Variants in ADAM23 observed in about 807,000 individuals in gnomAD.
The protein encoded by ADAM23 is ADAM metallopeptidase domain 23, also known as disintegrin and metalloproteinase domain-containing protein 23.
A neutral mutation model predicts 120.1 loss-of-function variants in ADAM23; 33 were observed. That is an observed-to-expected ratio of 0.27 (90% CI 0.21 to 0.37). The LOEUF (loss-of-function observed/expected upper bound fraction) is 0.37, where lower values mean the gene tolerates loss of function less well. Among genes scored for constraint, ADAM23 ranks in the 10% least tolerant of loss-of-function variants. ADAM23 has a pLI of 1.00. For synonymous variants in ADAM23, 367 were observed against 375.2 expected (o/e 0.98, Z 0.25); for missense variants, 862 against 1,058.2 (o/e 0.81, Z 2.57).
At chr2:206,602,658 AAAAT>A (rs576813392) in intron 24 of ADAM23, among the ~76,000 whole-genome samples, 1 of 152,308 alleles carries the variant, frequency 6.6e-6, no homozygotes, top group African/African-American at 2.4e-5. Context: ...AAACTCTCTA[AAAAT>A]AAGGAAAAAA....
At chr2:206,590,336 G>T (rs1035994527) in intron 21 of ADAM23, among the ~76,000 whole-genome samples, 4 of 152,178 alleles carry the variant, frequency 2.6e-5, no homozygotes, top group Non-Finnish European at 5.9e-5. Flanking sequence ...GGCCTCAAGT[G>T]ATCCGCCCTC....
At chr2:206,475,436 C>G (rs1695756772) in intron 2 of ADAM23, among the ~76,000 whole-genome samples, 1 of 152,046 alleles carries the variant, frequency 6.6e-6, no homozygotes, top group Non-Finnish European at 1.5e-5. Context: ...TAGGTCCAAA[C>G]TAGTCCTCTT....
At chr2:206,487,369 T>C (rs1332879244) in intron 3 of ADAM23, among the ~76,000 whole-genome samples, 4 of 152,122 alleles carry the variant, frequency 2.6e-5, no homozygotes, top group Non-Finnish European at 5.9e-5. Context: ...TAATCTTTTC[T>C]CTCTTCAAAG....
chr2:206,608,851 A>C (rs539638977), intron 24 of ADAM23, among the ~76,000 whole-genome samples: 3 of 152,210 alleles, frequency 2.0e-5, no homozygotes, highest in Non-Finnish European at 4.4e-5. Flanking sequence ...CACAGAAATG[A>C]ATGTTTACAC....
intron 9 of ADAM23, among the ~76,000 whole-genome samples, chr2:206,551,059 G>A (rs987153760): frequency 6.6e-6 from 1 of 152,118 alleles, no homozygotes; most frequent in Non-Finnish European, 1.5e-5. Flanking sequence ...TAGAAACTCC[G>A]TTAACTATAC....
At position 206,571,766 on chromosome 2, in the gene ADAM23, A is replaced by G. The variant is rs777870020; in HGVS notation, c.1606A>G (p.Asn536Asp). The G allele has an allele frequency of 3.1e-6, 5 of 1,614,096 alleles. No individual in the cohort carries two copies. Among genetic ancestry groups the G allele is most frequent in the Non-Finnish European group, 4.2e-6 (5 of 1,179,974 alleles). ...ATGCTGTAAGAAATGTTCCCTCTCC[A>G]ACGGGGCTCACTGCAGCGACGGGCC... ...GLCCKKCSLSNGAHCSDGPCC... is the reference protein window; with the variant it reads ...GLCCKKCSLSDGAHCSDGPCC... Residue 536 changes from asparagine (N) to aspartate (D), a missense_variant, in exon 17 of 26, where the codon AAC becomes GAC. Asn to Asp is a conservative substitution (Grantham distance 23, BLOSUM62 1). Around this residue, in one of 4 missense-constraint regions of ADAM23, gnomAD observed 617 missense variants for 813.5 expected, o/e 0.76. Transcript: ENST00000264377.
At chr2:206,448,695 A>G (rs1477964171) in intron 2 of ADAM23, among the ~76,000 whole-genome samples, 2 of 152,330 alleles carry the variant, frequency 1.3e-5, no homozygotes, top group South Asian at 2.1e-4. Flanking sequence ...TATGTAAGGA[A>G]GCATCCATAA....
intron 2 of ADAM23, among the ~76,000 whole-genome samples, chr2:206,449,038 A>G (rs567048143): frequency 6.6e-6 from 1 of 152,264 alleles, no homozygotes; most frequent in South Asian, 2.1e-4. Context: ...TAGGCCTTCA[A>G]CCAGTGGATC....
chr2:206,565,715 G>A (rs1697863230), intron 14 of ADAM23, among the ~76,000 whole-genome samples: 2 of 152,120 alleles, frequency 1.3e-5, no homozygotes. Context: ...GACCCCCTAA[G>A]CCATAACCCA....
At chr2:206,556,455 A>G (rs1697644070) in intron 9 of ADAM23, among the ~76,000 whole-genome samples, 1 of 152,190 alleles carries the variant, frequency 6.6e-6, no homozygotes, top group South Asian at 2.1e-4. Context: ...AATTGAAGGT[A>G]AATTTCAAAG....
At chr2:206,596,557 C>G (rs1698530088) in intron 24 of ADAM23, among the ~76,000 whole-genome samples, 1 of 152,146 alleles carries the variant, frequency 6.6e-6, no homozygotes, top group South Asian at 2.1e-4. Flanking sequence ...TGGAATCTCT[C>G]CGGAAGGAAG....
intron 22 of ADAM23, 52 bp downstream of exon 22, chr2:206,592,788 C>A: frequency 6.5e-7 from 1 of 1,540,946 alleles, no homozygotes; most frequent in African/African-American, 1.4e-5. Context: ...TTACAAATTT[C>A]ACAAAATGAA....
rs188227181 is a variant in ADAM23 at position 206,485,497 on chromosome 2, A to C, written c.509+4189A>C. On this transcript the variant is annotated intron_variant, in intron 3 of 25. Transcript: ENST00000264377. ...CCATAAGTTAATCCAGGTGGTGACCATAGAATCTTCAGAGTTGGTGACCTC... is the reference window on the plus strand; with the variant it reads ...CCATAAGTTAATCCAGGTGGTGACCCTAGAATCTTCAGAGTTGGTGACCTC... 2.0e-3 allele frequency among the ~76,000 whole-genome samples: 304 copies of C among 152,348 alleles called. 1 individual carries two copies. Among genetic ancestry groups the C allele is most frequent in the Non-Finnish European group, 1.4e-3 (98 of 68,038 alleles).
chr2:206,573,020 C>T (rs753433100), intron 17 of ADAM23, 95 bp from the exon 18 acceptor site: 12 of 1,224,410 alleles, frequency 9.8e-6, no homozygotes, highest in African/African-American at 6.0e-5. Context: ...GTTAGTTATG[C>T]GAGAGTATAG....
intron 3 of ADAM23, among the ~76,000 whole-genome samples, chr2:206,500,282 T>C (rs1696360402): frequency 6.6e-6 from 1 of 152,128 alleles, no homozygotes. Context: ...TCTCTTTCTT[T>C]GAAGGCAACT....
intron 3 of ADAM23, among the ~76,000 whole-genome samples, chr2:206,521,782 C>G (rs1274300699): frequency 1.3e-5 from 2 of 152,138 alleles, no homozygotes; most frequent in East Asian, 3.9e-4. Flanking sequence ...TAGTCATTTC[C>G]TCAGGAAACC....
In ADAM23 at chr2:206,608,749, C is replaced by T. The variant is rs190620450; in HGVS notation, c.2360-1161C>T. Among the ~76,000 whole-genome samples the T allele has an allele frequency of 4.3e-4, 66 of 152,200 alleles. 1 individual carries two copies. Among genetic ancestry groups the T allele is most frequent in the Admixed American group, 3.9e-3 (60 of 15,278 alleles). On this transcript the variant is annotated intron_variant, in intron 24 of 25. Coordinates refer to ENST00000264377, the MANE Select transcript of ADAM23 (RefSeq NM_003812.4). ...ACTGGATGGTCTCCGAATAAAAACA[C>T]ATTATGCATGCAATTTGTGTGCTGC...
chr2:206,531,165 C>T (rs1359128213), intron 4 of ADAM23, among the ~76,000 whole-genome samples: 2 of 152,158 alleles, frequency 1.3e-5, no homozygotes, highest in Non-Finnish European at 2.9e-5. Context: ...TTTGATTATA[C>T]ATGCAGTACC....
intron 24 of ADAM23, among the ~76,000 whole-genome samples, chr2:206,605,397 A>G (rs377064974): frequency 4.6e-5 from 7 of 152,222 alleles, no homozygotes; most frequent in African/African-American, 7.2e-5. Flanking sequence ...CTTCTTAGGC[A>G]TATTTTACAG....
Sources: allele counts gnomAD v4.1 joint callset (sites outside exome capture counted in the v4.1 genomes callset), GRCh38; gene constraint gnomAD v4.1.1; regional missense constraint gnomAD v4.1.1; transcripts MANE v1.5; gene names NCBI Gene and HGNC (gene_info 2026-07-23, HGNC 2026-07-21).